The following CA10 variants were observed in gnomAD, a reference collection of about 807,000 sequenced individuals.
The protein encoded by CA10 is carbonic anhydrase-related protein 10.
In CA10, 14 loss-of-function variants were observed where a neutral mutation model predicts 44.2. The ratio of observed to expected loss-of-function variants is 0.32; its 90% confidence interval spans 0.21 to 0.50. CA10 has a LOEUF of 0.50. Among genes scored for constraint, CA10 ranks in the 20% least tolerant of loss-of-function variants. The probability of loss-of-function intolerance (pLI) is 0.99; values close to 1 mark genes in which losing one functional copy is unlikely to be tolerated. For missense variants in CA10, 350 were observed against 409.7 expected (o/e 0.85, Z 1.26); for synonymous variants, 159 against 141.6 (o/e 1.12, Z -0.87).
chr17:51,959,455 G>T lies in CA10; in HGVS notation c.137-28323C>A, dbSNP rs1286654299. 1.3e-5 allele frequency among the ~76,000 whole-genome samples: 2 copies of T among 152,004 alleles called. 1 individual carries two copies. The highest frequency in any genetic ancestry group is 3.9e-4 in the East Asian group (2 of 5,182). ...CTGCCATTTATGACAGAAGACCAGA[G>T]AAATAAGCCCCTGGGGACTAGAGAG... On this transcript the variant is annotated intron_variant, in intron 2 of 8. Coordinates refer to ENST00000451037, the MANE Select transcript of CA10 (RefSeq NM_020178.5).
intron 4 of CA10, among the ~76,000 whole-genome samples, chr17:51,677,885 ACCC>A (rs201803270): frequency 1.4e-5 from 2 of 138,018 alleles, no homozygotes; most frequent in Admixed American, 7.0e-5. Context: ...CTAGGTATAC[ACCC>A]CCCCCCCCAC....
At chr17:52,094,639 C>T (rs564670093) in intron 1 of CA10, among the ~76,000 whole-genome samples, 4 of 152,182 alleles carry the variant, frequency 2.6e-5, no homozygotes, top group East Asian at 3.9e-4. Flanking sequence ...AGGGAAAAGA[C>T]GAAGTCTTTT....
At chr17:51,903,734 A>T (rs1981420635) in intron 3 of CA10, among the ~76,000 whole-genome samples, 1 of 152,170 alleles carries the variant, frequency 6.6e-6, no homozygotes, top group South Asian at 2.1e-4. Context: ...CTTGTACCCC[A>T]TCTACATTAT....
intron 3 of CA10, among the ~76,000 whole-genome samples, chr17:51,803,335 T>C (rs182756478): frequency 5.7e-4 from 87 of 152,244 alleles, no homozygotes; most frequent in African/African-American, 2.1e-3. Flanking sequence ...TGTCCCAAAG[T>C]AGCAGCAGGA....
intron 2 of CA10, among the ~76,000 whole-genome samples, chr17:51,963,436 C>T (rs1461267494): frequency 1.3e-5 from 2 of 152,004 alleles, no homozygotes; most frequent in African/African-American, 4.8e-5. Flanking sequence ...GTATCCCATG[C>T]AAAATGAACA....
intron 2 of CA10, among the ~76,000 whole-genome samples, chr17:51,944,195 C>T (rs1232295625): frequency 6.6e-6 from 1 of 152,166 alleles, no homozygotes; most frequent in Non-Finnish European, 1.5e-5. Flanking sequence ...GTCATAATGG[C>T]TTATTCACCA....
intron 3 of CA10, among the ~76,000 whole-genome samples, chr17:51,871,252 A>G (rs868718193): frequency 2.0e-5 from 3 of 150,370 alleles, no homozygotes; most frequent in South Asian, 2.1e-4. Flanking sequence ...TTTATTTAAG[A>G]TGGAGTTTCG....
chr17:52,097,556 GT>G lies in CA10; in HGVS notation c.62-25164del, dbSNP rs200189629. ...GTTGATATTTCTATCCAGTACACTG[GT>G]TTTGCACTCTGGGTTGACACGGAAT... On this transcript the variant is annotated intron_variant, in intron 1 of 8. Transcript: ENST00000451037. Among the ~76,000 whole-genome samples, 1,503 of 152,180 alleles carry G rather than the reference GT, an allele frequency of 9.9e-3. 16 individuals are homozygous for G. The highest frequency in any genetic ancestry group is 0.032 in the African/African-American group (1,321 of 41,520).
intron 2 of CA10, among the ~76,000 whole-genome samples, chr17:52,052,115 C>A (rs1464059313): frequency 2.0e-5 from 3 of 151,630 alleles, no homozygotes; most frequent in Non-Finnish European, 4.4e-5. Flanking sequence ...ACAATACATA[C>A]TGGGGCCTTT....
At chr17:51,833,955 G>A (rs186194871) in intron 3 of CA10, among the ~76,000 whole-genome samples, 1 of 152,326 alleles carries the variant, frequency 6.6e-6, no homozygotes, top group Non-Finnish European at 1.5e-5. Flanking sequence ...TGGAGGCACT[G>A]TAATGAGGAA....
At chr17:51,757,404 G>C (rs1905105937) in intron 3 of CA10, among the ~76,000 whole-genome samples, 2 of 152,178 alleles carry the variant, frequency 1.3e-5, no homozygotes, top group Non-Finnish European at 2.9e-5. Flanking sequence ...AGATCATCAA[G>C]CTCTTATTCA....
rs1555568608 is a variant in CA10, at chr17:52,123,371, G to GGGGTGTGTGTGT, written c.61+34354_61+34355insACACACACACCC. Among the ~76,000 whole-genome samples the GGGGTGTGTGTGT allele has an allele frequency of 3.7e-3, 546 of 146,334 alleles. 2 individuals carry two copies. The highest frequency in any genetic ancestry group is 0.013 in the African/African-American group (499 of 38,812). On this transcript the variant is annotated intron_variant, in intron 1 of 8. Transcript: ENST00000451037. Reference sequence around the variant, plus strand: ...TGTGTGTATGTGTGTATATATATGGGGTGTGTGTGTGTGTGTGTGTGTGTG... The same window carrying GGGGTGTGTGTGT: ...TGTGTGTATGTGTGTATATATATGGGGGGTGTGTGTGTGTGTGTGTGTGTGTGTGTGTGTGTG...
intron 4 of CA10, among the ~76,000 whole-genome samples, chr17:51,667,134 G>C (rs1334133801): frequency 6.6e-6 from 1 of 152,196 alleles, no homozygotes; most frequent in East Asian, 1.9e-4. Flanking sequence ...AATGAGATCT[G>C]TTTTATGGGC....
At chr17:51,914,345 T>C (rs146618834) in intron 3 of CA10, among the ~76,000 whole-genome samples, 1 of 152,278 alleles carries the variant, frequency 6.6e-6, no homozygotes, top group African/African-American at 2.4e-5. Context: ...TTCCCCTGAC[T>C]CTATGGCTGC....
At chr17:51,756,678 G>C (rs928330273) in intron 3 of CA10, among the ~76,000 whole-genome samples, 1 of 151,744 alleles carries the variant, frequency 6.6e-6, no homozygotes, top group Non-Finnish European at 1.5e-5. Flanking sequence ...GGGTTTCACC[G>C]TGTTAGCCAG....
intron 1 of CA10, among the ~76,000 whole-genome samples, chr17:52,142,044 G>T (rs1427833331): frequency 6.6e-6 from 1 of 152,196 alleles, no homozygotes; most frequent in East Asian, 1.9e-4. Context: ...AGAAGCCTCT[G>T]GTTGAACATG....
At chr17:51,933,920 A>G (rs1248668362) in intron 2 of CA10, among the ~76,000 whole-genome samples, 2 of 152,278 alleles carry the variant, frequency 1.3e-5, no homozygotes, top group East Asian at 1.9e-4. Flanking sequence ...GCAAAAACAC[A>G]AACAGGAAAA....
intron 2 of CA10, among the ~76,000 whole-genome samples, chr17:52,035,371 C>G (rs2144180857): frequency 6.6e-6 from 1 of 152,290 alleles, no homozygotes; most frequent in Non-Finnish European, 1.5e-5. Context: ...CCCTTTTCAG[C>G]TCCCCTTCCC....
intron 4 of CA10, among the ~76,000 whole-genome samples, chr17:51,729,528 A>C (rs561726999): frequency 6.6e-6 from 1 of 152,340 alleles, no homozygotes; most frequent in Non-Finnish European, 1.5e-5. Flanking sequence ...CCAATAGGCA[A>C]CTGTGACTCT....
Sources: allele counts gnomAD v4.1 joint callset (sites outside exome capture counted in the v4.1 genomes callset), GRCh38; gene constraint gnomAD v4.1.1; transcripts MANE v1.5; gene names NCBI Gene and HGNC (gene_info 2026-07-23, HGNC 2026-07-21).